Variants in SMPX observed in about 807,000 individuals in gnomAD.
The protein encoded by SMPX is small muscle protein X-linked.
Under a neutral mutation model 6.3 loss-of-function variants are expected in SMPX, and 2 were observed. The ratio of observed to expected loss-of-function variants is 0.32; its 90% CI spans 0.13 to 0.99. The LOEUF (loss-of-function observed/expected upper bound fraction) is 0.99, where lower values mean the gene tolerates loss of function less well. SMPX is among the 50% of genes least tolerant of loss of function. The pLI is 0.49. For missense variants in SMPX, 60 were observed against 66.8 expected (o/e 0.90, Z 0.36); for synonymous variants, 32 against 24.7 (o/e 1.30, Z -0.88).
At chrX:21,727,936 T>C (rs1403244278) in intron 4 of SMPX, among the ~76,000 whole-genome samples, 2 of 112,211 alleles carry the variant, frequency 1.8e-5, no homozygotes, top group African/African-American at 6.5e-5. Context: ...AGCCTGGAAT[T>C]CACTTCCCCA....
chrX:21,757,688 T>G (rs1182130214), intron 1 of SMPX, among the ~76,000 whole-genome samples: 2 of 111,893 alleles, frequency 1.8e-5, no homozygotes, highest in Non-Finnish European at 3.8e-5. Flanking sequence ...ATTTCTAGAC[T>G]GTGGACATTT....
At chrX:21,715,657 C>T (rs990665487) in intron 4 of SMPX, among the ~76,000 whole-genome samples, 1 of 111,189 alleles carries the variant, frequency 9.0e-6, no homozygotes, top group Non-Finnish European at 1.9e-5. Flanking sequence ...GATGCTGTTG[C>T]TATTGGTCCA....
chrX:21,726,352 C>G (rs753125310), intron 4 of SMPX, among the ~76,000 whole-genome samples: 1 of 112,383 alleles, frequency 8.9e-6, no homozygotes, highest in Middle Eastern at 4.6e-3. Flanking sequence ...ATGAAACAGA[C>G]ACAACACTCA....
intron 4 of SMPX, among the ~76,000 whole-genome samples, chrX:21,728,281 T>C (rs984752220): frequency 3.0e-5 from 3 of 99,415 alleles, no homozygotes; most frequent in Admixed American, 1.1e-4. Flanking sequence ...TCATACTTTC[T>C]CTGATGTTTA....
intron 4 of SMPX, among the ~76,000 whole-genome samples, chrX:21,719,598 G>A (rs193240281): frequency 6.3e-5 from 7 of 111,566 alleles, no homozygotes; most frequent in East Asian, 5.6e-4. Flanking sequence ...TTGAATGTGG[G>A]AGCAAGCTGA....
At chrX:21,727,432 T>C (rs1415282534) in intron 4 of SMPX, 1 of 112,003 alleles carries the variant, frequency 8.9e-6, no homozygotes, top group Non-Finnish European at 1.9e-5. Flanking sequence ...CAGTAAAATA[T>C]GTATTACTTG....
At chrX:21,740,198 C>T (rs1052392740) in intron 3 of SMPX, among the ~76,000 whole-genome samples, 2 of 111,746 alleles carry the variant, frequency 1.8e-5, no homozygotes, top group Non-Finnish European at 3.8e-5. Context: ...AATCAGATTC[C>T]ATTTATATTA....
intron 4 of SMPX, among the ~76,000 whole-genome samples, chrX:21,733,990 C>G (rs1235451462): frequency 9.0e-6 from 1 of 111,604 alleles, no homozygotes; most frequent in Admixed American, 9.5e-5. Context: ...ATACCTTAGC[C>G]CCTCAAAAGT....
At position 21,729,824 on chromosome X, in the gene SMPX, G is replaced by A. The variant is rs759698402; in HGVS notation, c.*14+7725C>T. On this transcript the variant is annotated intron_variant, in intron 4 of 4. Transcript: ENST00000379494. ...AATAGAAACTACACAGGTAGCTTCT[G>A]TGTGTTTACTGTTGAGAGGCTCTTA... Among the ~76,000 whole-genome samples, 3 of 111,899 alleles carry A rather than the reference G, an allele frequency of 2.7e-5. No individual in the cohort carries two copies. The South Asian group carries it at 1.1e-3, about 42-fold the overall frequency.
At chrX:21,720,770 G>C (rs952276992) in intron 4 of SMPX, among the ~76,000 whole-genome samples, 5 of 112,334 alleles carry the variant, frequency 4.5e-5, no homozygotes, top group African/African-American at 1.6e-4. Context: ...AGCTTTGTGG[G>C]AGTGGGCAAC....
rs1377049016 is a variant in SMPX at position 21,758,006 on chromosome X, C to T, written c.-77G>A. 3.0e-6 allele frequency: 1 copy of T among 329,524 alleles called. No homozygotes were observed. Among genetic ancestry groups the T allele is most frequent in the Non-Finnish European group, 5.9e-6 (1 of 170,030 alleles). The allele number at this position is 329,524 out of a possible 1,213,427, so 27.2% of individuals were successfully genotyped here. Reference sequence around the variant, plus strand: ...GGCAGCCAGATGCAAGAATACAAAGCTCCTTGGAAGGTGGAAGGGGCGCCC... The same window carrying T: ...GGCAGCCAGATGCAAGAATACAAAGTTCCTTGGAAGGTGGAAGGGGCGCCC... On this transcript the variant is annotated 5_prime_UTR_variant, in exon 1 of 5. Coordinates refer to ENST00000379494, the MANE Select transcript of SMPX (RefSeq NM_014332.3).
intron 2 of SMPX, among the ~76,000 whole-genome samples, chrX:21,744,820 C>T (rs1042489224): frequency 1.8e-5 from 2 of 112,075 alleles, no homozygotes; most frequent in African/African-American, 6.5e-5. Context: ...GATGCCTGAA[C>T]AAAGGGAGCA....
At chrX:21,713,540 C>T (rs1355008397) in intron 4 of SMPX, among the ~76,000 whole-genome samples, 1 of 111,876 alleles carries the variant, frequency 8.9e-6, no homozygotes, top group Admixed American at 9.5e-5. Context: ...TCATGTCTTA[C>T]ATGGCATCAA....
rs2092773025 is a variant in SMPX, at chrX:21,706,407, A to C, written c.*15-13T>G. On this transcript the variant is annotated splice_polypyrimidine_tract_variant and intron_variant, in intron 4 of 4. Transcript: ENST00000379494. ...CTTCACATCAATCCTGAAAAAGAAA[A>C]ACCAAAGGAACCATGAGTTTTTTGC... 4 of 356,211 alleles carry C rather than the reference A, an allele frequency of 1.1e-5. No homozygotes were observed. Among genetic ancestry groups the C allele is most frequent in the Middle Eastern group, 8.7e-4 (1 of 1,148 alleles). 29.4% of individuals were successfully genotyped at this position (356,211 alleles called of 1,213,427 possible).
In SMPX at chrX:21,709,577, G is replaced by T. The variant is rs1362440242; in HGVS notation, c.*15-3183C>A. On this transcript the variant is annotated intron_variant, in intron 4 of 4. Transcript: ENST00000379494. Reference sequence around the variant, plus strand: ...TGAAAATAGGAAAAGAACTGGAGTTGCAGTTATAGCCAAACCCACATTCTT... The same window carrying T: ...TGAAAATAGGAAAAGAACTGGAGTTTCAGTTATAGCCAAACCCACATTCTT... 4.5e-5 allele frequency among the ~76,000 whole-genome samples: 5 copies of T among 112,296 alleles called. No homozygotes were observed. In the Admixed American group the frequency reaches 4.7e-4, roughly 11 times the overall value.
intron 4 of SMPX, among the ~76,000 whole-genome samples, chrX:21,711,008 C>G (rs145846105): frequency 2.7e-5 from 3 of 111,641 alleles, no homozygotes; most frequent in Non-Finnish European, 5.6e-5. Flanking sequence ...TCCCGGGTCC[C>G]GGTAGAATTC....
At chrX:21,737,403 A>G in intron 4 of SMPX, 146 bp downstream of exon 4, 2 of 546,647 alleles carry the variant, frequency 3.7e-6, no homozygotes, top group Non-Finnish European at 6.0e-6. Flanking sequence ...GCTTAACCAG[A>G]AAACTGCACC....
intron 4 of SMPX, among the ~76,000 whole-genome samples, chrX:21,707,090 C>A: frequency 9.2e-6 from 1 of 108,332 alleles, no homozygotes; most frequent in Admixed American, 1.0e-4. Context: ...ATCATCGCCC[C>A]ATCCACATCA....
chrX:21,716,661 C>G (rs1389461108), intron 4 of SMPX, among the ~76,000 whole-genome samples: 1 of 112,124 alleles, frequency 8.9e-6, no homozygotes, highest in Non-Finnish European at 1.9e-5. Flanking sequence ...ATCTTCCAAA[C>G]AAGATTCAAT....
Sources: allele counts gnomAD v4.1 joint callset (sites outside exome capture counted in the v4.1 genomes callset), GRCh38; gene constraint gnomAD v4.1.1; transcripts MANE v1.5; gene names NCBI Gene and HGNC (gene_info 2026-07-23, HGNC 2026-07-21).